UBE2E2: variants seen among roughly 807,000 people sequenced by gnomAD.
UBE2E2 encodes ubiquitin-conjugating enzyme E2 E2.
In UBE2E2, 6 loss-of-function variants were observed where a neutral mutation model predicts 24.7. The observed-to-expected ratio is 0.24, with a 90% CI of 0.13 to 0.48. UBE2E2 has a LOEUF of 0.48. UBE2E2 is among the 20% of genes least tolerant of loss of function. UBE2E2 has a pLI of 0.99. For synonymous variants in UBE2E2, 104 were observed against 83.6 expected (o/e 1.24, Z -1.33); for missense variants, 169 against 245.0 (o/e 0.69, Z 2.07).
chr3:23,347,850 G>T (rs1695608894), intron 3 of UBE2E2, among the ~76,000 whole-genome samples: 1 of 148,818 alleles, frequency 6.7e-6, no homozygotes, highest in African/African-American at 2.6e-5. Context: ...CCTTAAAAAA[G>T]AAAAGAAAAG....
chr3:23,284,447 A>C (rs1698562464), intron 3 of UBE2E2, among the ~76,000 whole-genome samples: 1 of 152,110 alleles, frequency 6.6e-6, no homozygotes, highest in African/African-American at 2.4e-5. Flanking sequence ...TTGGTAAAGA[A>C]TCTTTCTTTG....
At chr3:23,393,046 A>C in intron 3 of UBE2E2, among the ~76,000 whole-genome samples, 1 of 152,182 alleles carries the variant, frequency 6.6e-6, no homozygotes, top group East Asian at 1.9e-4. Flanking sequence ...GATTATCATA[A>C]AAGCAAGAAA....
intron 5 of UBE2E2, among the ~76,000 whole-genome samples, chr3:23,571,402 G>T (rs1311043474): frequency 6.7e-6 from 1 of 148,254 alleles, no homozygotes; most frequent in African/African-American, 2.5e-5. Context: ...TGATTCTCCT[G>T]CCTCAGCCTC....
chr3:23,305,837 C>T (rs1248941473), intron 3 of UBE2E2, among the ~76,000 whole-genome samples: 1 of 152,184 alleles, frequency 6.6e-6, no homozygotes, highest in Non-Finnish European at 1.5e-5. Context: ...TCAAGCTCTC[C>T]TCTTGCCTTA....
chr3:23,529,343 G>A (rs748402234), intron 4 of UBE2E2, among the ~76,000 whole-genome samples: 7 of 152,204 alleles, frequency 4.6e-5, no homozygotes, highest in Non-Finnish European at 7.3e-5. Flanking sequence ...TCAGTTTCCT[G>A]CAGTATACTG....
intron 5 of UBE2E2, among the ~76,000 whole-genome samples, chr3:23,580,955 C>T (rs906223095): frequency 6.6e-6 from 1 of 152,172 alleles, no homozygotes; most frequent in Admixed American, 6.5e-5. Flanking sequence ...GGTAATGTCA[C>T]GTAACTTCCT....
intron 3 of UBE2E2, among the ~76,000 whole-genome samples, chr3:23,335,883 A>C (rs1017595925): frequency 2.0e-5 from 3 of 152,166 alleles, no homozygotes; most frequent in Non-Finnish European, 4.4e-5. Context: ...TACTACGAAC[A>C]AGGTAAAAGG....
At chr3:23,373,867 C>T (rs1575592253) in intron 3 of UBE2E2, among the ~76,000 whole-genome samples, 1 of 152,048 alleles carries the variant, frequency 6.6e-6, no homozygotes, top group East Asian at 1.9e-4. Context: ...AATTGTGTAA[C>T]AAAAGCCCCA....
At chr3:23,577,389 A>G (rs1696369014) in intron 5 of UBE2E2, among the ~76,000 whole-genome samples, 1 of 152,048 alleles carries the variant, frequency 6.6e-6, no homozygotes, top group Admixed American at 6.6e-5. Flanking sequence ...GTCTGGATAG[A>G]CAGTCAGACC....
chr3:23,485,554 AAAC>A (rs1699349647), intron 3 of UBE2E2, among the ~76,000 whole-genome samples: 1 of 152,218 alleles, frequency 6.6e-6, no homozygotes, highest in African/African-American at 2.4e-5. Flanking sequence ...AACAAAAAAA[AAAC>A]CTCTCTTGTT....
chr3:23,343,777 T>A (rs1695468998), intron 3 of UBE2E2, among the ~76,000 whole-genome samples: 1 of 152,202 alleles, frequency 6.6e-6, no homozygotes, highest in African/African-American at 2.4e-5. Context: ...TTGATAAGTT[T>A]TGACTGTTTT....
rs536473229 is a variant in UBE2E2 at position 23,510,070 on chromosome 3, G to T, written c.360+10330G>T. On this transcript the variant is annotated intron_variant, in intron 4 of 5. Transcript: ENST00000396703. ...TTTCTTTTCATTAGAGTTGGAGCAGGATCTCTCCGTAAGGTAGCAGCCTCT... is the reference window on the plus strand; with the variant it reads ...TTTCTTTTCATTAGAGTTGGAGCAGTATCTCTCCGTAAGGTAGCAGCCTCT... Among the ~76,000 whole-genome samples the T allele has an allele frequency of 5.3e-5, 8 of 152,238 alleles. No individual in the cohort carries two copies. In the South Asian group the frequency reaches 1.5e-3, roughly 28 times the overall value.
intron 3 of UBE2E2, among the ~76,000 whole-genome samples, chr3:23,243,733 C>G (rs1051554919): frequency 6.2e-5 from 9 of 144,698 alleles, no homozygotes; most frequent in Non-Finnish European, 1.1e-4. Context: ...AATCACTTGT[C>G]TACAAATAGT....
chr3:23,489,175 C>T (rs576175113), intron 3 of UBE2E2, among the ~76,000 whole-genome samples: 3 of 152,046 alleles, frequency 2.0e-5, no homozygotes, highest in Non-Finnish European at 4.4e-5. Flanking sequence ...CGGCATGGGT[C>T]GGGGAGATGG....
chr3:23,478,726 G>A (rs1452850491), intron 3 of UBE2E2, among the ~76,000 whole-genome samples: 2 of 152,036 alleles, frequency 1.3e-5, no homozygotes, highest in African/African-American at 4.8e-5. Flanking sequence ...TGTGCAGAGA[G>A]TCATCTTAAA....
chr3:23,223,026 T>C (rs28837408), intron 3 of UBE2E2, among the ~76,000 whole-genome samples: 3,737 of 29,064 alleles, frequency 0.13, 130 homozygotes, highest in African/African-American at 0.21. Flanking sequence ...CCCCCCCCCC[T>C]TTTTTTTTTT....
intron 3 of UBE2E2, among the ~76,000 whole-genome samples, chr3:23,298,790 A>G (rs1698987331): frequency 6.6e-6 from 1 of 152,082 alleles, no homozygotes; most frequent in Non-Finnish European, 1.5e-5. Flanking sequence ...TATCAGGATG[A>G]TGCTGGCCTC....
intron 3 of UBE2E2, among the ~76,000 whole-genome samples, chr3:23,328,464 T>C (rs1357529719): frequency 1.3e-5 from 2 of 152,204 alleles, no homozygotes; most frequent in Non-Finnish European, 2.9e-5. Context: ...TTTGCCCAAC[T>C]GTAGGCTAAT....
intron 5 of UBE2E2, among the ~76,000 whole-genome samples, chr3:23,559,898 C>T (rs61363919): frequency 0.29 from 44,546 of 151,850 alleles, 7,034 homozygotes; most frequent in East Asian, 0.49. Context: ...TCTGTAAGTA[C>T]ATACTGGACC....
Sources: allele counts gnomAD v4.1 joint callset (sites outside exome capture counted in the v4.1 genomes callset), GRCh38; gene constraint gnomAD v4.1.1; transcripts MANE v1.5; gene names NCBI Gene and HGNC (gene_info 2026-07-23, HGNC 2026-07-21).